Variants in SCHIP1 observed in about 807,000 individuals in gnomAD.
SCHIP1 encodes the protein schwannomin interacting protein 1.
SCHIP1 carries 8 observed loss-of-function variants against 29.7 expected under a neutral mutation model. That is an observed-to-expected ratio of 0.27 (90% CI 0.16 to 0.49). The LOEUF (loss-of-function observed/expected upper bound fraction) is 0.49, where lower values mean the gene tolerates loss of function less well. Among genes scored for constraint, SCHIP1 ranks in the 20% least tolerant of loss-of-function variants. The pLI is 0.99. For synonymous variants in SCHIP1, 76 were observed against 94.9 expected, an observed-to-expected ratio of 0.80 and a Z score of 1.16; for missense variants, 193 against 294.6, an observed-to-expected ratio of 0.66 and a Z score of 2.52.
the SCHIP1 span, among the ~76,000 whole-genome samples, chr3:159,303,482 AAGAG>A: frequency 1.3e-5 from 2 of 151,634 alleles, no homozygotes; most frequent in East Asian, 1.9e-4. Flanking sequence ...AAAGAAAAGA[AAGAG>A]AAAGAAAAGA....
the SCHIP1 span, among the ~76,000 whole-genome samples, chr3:159,379,503 G>A: frequency 3.9e-5 from 6 of 152,286 alleles, no homozygotes; most frequent in South Asian, 8.3e-4. Context: ...GATAACAGGC[G>A]TGAGCCACCT....
chr3:159,505,343 G>C, the SCHIP1 span, among the ~76,000 whole-genome samples: 1 of 152,084 alleles, frequency 6.6e-6, no homozygotes, highest in Non-Finnish European at 1.5e-5. Flanking sequence ...AATTTGGAAA[G>C]ATAATCTGAA....
intron 6 of SCHIP1, chr3:159,893,941 C>G (rs1248609855): frequency 6.6e-6 from 1 of 152,172 alleles, no homozygotes; most frequent in Non-Finnish European, 1.5e-5. Context: ...GCAGCAGCCC[C>G]AGAGTCCTGC....
At chr3:159,492,509 A>C in the SCHIP1 span, among the ~76,000 whole-genome samples, 2 of 152,242 alleles carry the variant, frequency 1.3e-5, no homozygotes, top group African/African-American at 4.8e-5. Flanking sequence ...CAGCGATGGA[A>C]GATGAAATGA....
the SCHIP1 span, among the ~76,000 whole-genome samples, chr3:159,389,132 G>C: frequency 6.6e-6 from 1 of 151,744 alleles, no homozygotes; most frequent in African/African-American, 2.4e-5. Context: ...TTTGGCAAAG[G>C]CTTAATATCT....
chr3:159,667,242 C>A, the SCHIP1 span, among the ~76,000 whole-genome samples: 1 of 152,102 alleles, frequency 6.6e-6, no homozygotes, highest in Non-Finnish European at 1.5e-5. Flanking sequence ...GCAAAGAAAC[C>A]AGAGTGAGGA....
At chr3:159,408,131 T>C in the SCHIP1 span, among the ~76,000 whole-genome samples, 9 of 152,068 alleles carry the variant, frequency 5.9e-5, no homozygotes, top group African/African-American at 2.2e-4. Flanking sequence ...ACCACGTCTC[T>C]ACTAAAAATA....
the SCHIP1 span, among the ~76,000 whole-genome samples, chr3:159,720,298 C>T: frequency 4.0e-5 from 6 of 151,698 alleles, no homozygotes; most frequent in South Asian, 4.2e-4. Flanking sequence ...GACAAGTTAA[C>T]GGGTGCAGCA....
the SCHIP1 span, among the ~76,000 whole-genome samples, chr3:159,761,048 A>C: frequency 6.6e-6 from 1 of 152,216 alleles, no homozygotes; most frequent in Non-Finnish European, 1.5e-5. Flanking sequence ...CTGAGACTTG[A>C]AGGATGAGTA....
chr3:159,703,384 G>A, the SCHIP1 span, among the ~76,000 whole-genome samples: 18 of 152,202 alleles, frequency 1.2e-4, no homozygotes, highest in African/African-American at 4.3e-4. Flanking sequence ...AAAAGTTGAA[G>A]TCATGCTTGA....
chr3:159,894,127 G>A (rs1401871462), intron 6 of SCHIP1: 3 of 152,164 alleles, frequency 2.0e-5, no homozygotes, highest in Non-Finnish European at 2.9e-5. Context: ...GTGATGCCTG[G>A]ATCCTACCCC....
chr3:159,811,631 TC>T, the SCHIP1 span, among the ~76,000 whole-genome samples: 1 of 152,228 alleles, frequency 6.6e-6, no homozygotes, highest in Non-Finnish European at 1.5e-5. Context: ...TCAATTCTGT[TC>T]CATTGATCTA....
chr3:159,349,764 G>T, the SCHIP1 span, among the ~76,000 whole-genome samples: 3 of 152,254 alleles, frequency 2.0e-5, no homozygotes, highest in South Asian at 4.2e-4. Flanking sequence ...TCGGGTCGGG[G>T]TTTGCATCTC....
chr3:159,373,147 A>G, the SCHIP1 span, among the ~76,000 whole-genome samples: 1 of 151,998 alleles, frequency 6.6e-6, no homozygotes, highest in Non-Finnish European at 1.5e-5. Context: ...AAAATTTAAA[A>G]TATGCAAATA....
At chr3:159,288,503 C>T in the SCHIP1 span, among the ~76,000 whole-genome samples, 4 of 152,016 alleles carry the variant, frequency 2.6e-5, no homozygotes, top group African/African-American at 4.8e-5. Context: ...TTTGGGAGGC[C>T]GGGGCGGGCG....
intron 1 of SCHIP1, among the ~76,000 whole-genome samples, chr3:159,857,419 G>A (rs539296701): frequency 1.3e-5 from 2 of 152,194 alleles, no homozygotes; most frequent in South Asian, 4.2e-4. Flanking sequence ...ATTTTCGTGT[G>A]TGTGTATGGC....
the SCHIP1 span, among the ~76,000 whole-genome samples, chr3:159,383,429 G>A: frequency 0.027 from 4,097 of 151,300 alleles, 74 homozygotes; most frequent in East Asian, 0.11. Flanking sequence ...GATATGCGGC[G>A]TTATTTCTGA....
chr3:159,654,067 T>C, the SCHIP1 span, among the ~76,000 whole-genome samples: 1 of 152,180 alleles, frequency 6.6e-6, no homozygotes, highest in Non-Finnish European at 1.5e-5. Flanking sequence ...TCTTTTTAAA[T>C]ACAGATTTTT....
chr3:159,840,293 C>T (rs1276200082), intron 1 of SCHIP1: 26 of 1,266,272 alleles, frequency 2.1e-5, no homozygotes, highest in Non-Finnish European at 2.8e-5. Context: ...CAGGTTGCCT[C>T]TTTCCGGATA....
Sources: gnomAD v4.1 joint callset for allele counts (sites outside exome capture counted in the v4.1 genomes callset) on GRCh38, gnomAD v4.1.1 for gene constraint, MANE v1.5 for transcripts, NCBI Gene and HGNC (gene_info 2026-07-23, HGNC 2026-07-21) for gene names.